The following RGS6 variants were observed in gnomAD, a reference collection of about 807,000 sequenced individuals.
RGS6 encodes the protein regulator of G protein signaling 6, also known as regulator of G-protein signaling 6.
A neutral mutation model predicts 78.5 loss-of-function variants in RGS6; 30 were observed. The observed-to-expected ratio is 0.38, with a 90% CI of 0.29 to 0.52. The LOEUF is 0.52. Ranked by LOEUF, RGS6 falls within the 20% of genes least tolerant of loss-of-function variation. RGS6 has a pLI of 0.85. For missense variants in RGS6, 495 were observed against 609.7 expected (o/e 0.81, Z 1.98); for synonymous variants, 206 against 206.0 (o/e 1.00, Z 0.00).
chr14:72,062,611 T>A (rs1433221068), intron 2 of RGS6, among the ~76,000 whole-genome samples: 2 of 152,202 alleles, frequency 1.3e-5, no homozygotes, highest in Admixed American at 1.3e-4. Context: ...CTTTGTGATT[T>A]GTTGTGGACT....
At chr14:72,149,457 A>G (rs540213135) in intron 2 of RGS6, among the ~76,000 whole-genome samples, 5 of 152,294 alleles carry the variant, frequency 3.3e-5, no homozygotes, top group African/African-American at 1.2e-4. Flanking sequence ...AACAGGTTGA[A>G]ACGGGAAGGT....
intron 2 of RGS6, among the ~76,000 whole-genome samples, chr14:72,170,937 T>C (rs1162905459): frequency 6.6e-6 from 1 of 152,220 alleles, no homozygotes; most frequent in Non-Finnish European, 1.5e-5. Flanking sequence ...CTCTGATAAT[T>C]GCTGTCTGTG....
At chr14:71,963,167 A>C (rs2093320381) in intron 1 of RGS6, among the ~76,000 whole-genome samples, 1 of 152,192 alleles carries the variant, frequency 6.6e-6, no homozygotes, top group Non-Finnish European at 1.5e-5. Flanking sequence ...GGTGTTTGGT[A>C]TGTTTGTTTT....
At chr14:72,015,066 T>A (rs1279211188) in intron 2 of RGS6, among the ~76,000 whole-genome samples, 1 of 152,208 alleles carries the variant, frequency 6.6e-6, no homozygotes, top group African/African-American at 2.4e-5. Flanking sequence ...GACTGGGTAA[T>A]TAATAAAGAA....
chr14:72,320,065 T>C (rs2071467301), intron 2 of RGS6, among the ~76,000 whole-genome samples: 1 of 152,150 alleles, frequency 6.6e-6, no homozygotes, highest in South Asian at 2.1e-4. Flanking sequence ...AAGTAACCTA[T>C]ACAAGACCAC....
chr14:72,454,456 G>T (rs1055939389), intron 3 of RGS6, 72 bp from the exon 4 acceptor site: 8 of 1,457,422 alleles, frequency 5.5e-6, no homozygotes, highest in Admixed American at 5.0e-5. Context: ...ATTCTCTTAG[G>T]TAAACATGTT....
intron 2 of RGS6, among the ~76,000 whole-genome samples, chr14:72,228,605 A>G (rs1201624625): frequency 6.6e-6 from 1 of 152,194 alleles, no homozygotes; most frequent in Non-Finnish European, 1.5e-5. Context: ...CATCTGAGTG[A>G]CAGAAGATGA....
intron 6 of RGS6, among the ~76,000 whole-genome samples, chr14:72,462,248 GA>G (rs1283457186): frequency 6.6e-6 from 1 of 152,198 alleles, no homozygotes; most frequent in Non-Finnish European, 1.5e-5. Context: ...AAGGCATGGT[GA>G]GGATCTGGCT....
intron 2 of RGS6, among the ~76,000 whole-genome samples, chr14:72,053,870 A>C (rs2067021): frequency 0.74 from 111,833 of 152,090 alleles, 41,446 homozygotes; most frequent in East Asian, 0.89. Context: ...CTGACCTTAC[A>C]CTTATGTATT....
the RGS6 span, among the ~76,000 whole-genome samples, chr14:72,574,323 T>G: frequency 6.6e-6 from 1 of 152,172 alleles, no homozygotes; most frequent in Non-Finnish European, 1.5e-5. Context: ...CTTTCCCCAG[T>G]CCCTGCTGCC....
intron 13 of RGS6, among the ~76,000 whole-genome samples, chr14:72,496,230 A>AG (rs58722071): frequency 0.73 from 110,467 of 152,104 alleles, 40,757 homozygotes; most frequent in East Asian, 0.88. Context: ...TGTGGTTCCC[A>AG]GAGTGGATCA....
intron 2 of RGS6, among the ~76,000 whole-genome samples, chr14:72,015,617 G>A (rs1050338823): frequency 3.9e-5 from 6 of 152,168 alleles, no homozygotes; most frequent in African/African-American, 1.4e-4. Flanking sequence ...CCAGTACTCA[G>A]AGGAAAAATG....
At chr14:72,246,944 G>A (rs2054371968) in intron 2 of RGS6, among the ~76,000 whole-genome samples, 1 of 151,636 alleles carries the variant, frequency 6.6e-6, no homozygotes, top group Non-Finnish European at 1.5e-5. Flanking sequence ...CAATTTTGTT[G>A]TGTAGAGGAG....
the RGS6 span, among the ~76,000 whole-genome samples, chr14:72,612,991 G>GGTGTGT: frequency 5.6e-5 from 4 of 71,014 alleles, no homozygotes; most frequent in Admixed American, 1.7e-4. Flanking sequence ...CATTAAGTAG[G>GGTGTGT]GCGTGTGTGT....
chr14:72,112,805 A>G (rs1054050920), intron 2 of RGS6, among the ~76,000 whole-genome samples: 1 of 152,222 alleles, frequency 6.6e-6, no homozygotes, highest in Non-Finnish European at 1.5e-5. Flanking sequence ...GGTCTTGGGC[A>G]TCTGACTGAG....
intron 17 of RGS6, among the ~76,000 whole-genome samples, chr14:72,542,796 G>GA (rs1191547644): frequency 6.6e-6 from 1 of 152,242 alleles, no homozygotes; most frequent in South Asian, 2.1e-4. Context: ...GAAACACTTG[G>GA]AAAAAACAAA....
At chr14:72,147,944 A>G (rs2096628945) in intron 2 of RGS6, among the ~76,000 whole-genome samples, 1 of 152,136 alleles carries the variant, frequency 6.6e-6, no homozygotes, top group Non-Finnish European at 1.5e-5. Flanking sequence ...ATCCTGGCTA[A>G]CATGGTGAAA....
intron 2 of RGS6, among the ~76,000 whole-genome samples, chr14:72,119,393 T>G (rs1203972985): frequency 2.0e-5 from 3 of 152,182 alleles, no homozygotes; most frequent in African/African-American, 7.2e-5. Context: ...CCAATAGTTT[T>G]CCATGGGCCT....
intron 13 of RGS6, among the ~76,000 whole-genome samples, chr14:72,496,825 G>A (rs375047399): frequency 6.6e-6 from 1 of 151,852 alleles, no homozygotes; most frequent in African/African-American, 2.4e-5. Context: ...GTATAATTGG[G>A]TTCAATATAT....
Sources: allele counts gnomAD v4.1 joint callset (sites outside exome capture counted in the v4.1 genomes callset), GRCh38; gene constraint gnomAD v4.1.1; transcripts MANE v1.5; gene names NCBI Gene and HGNC (gene_info 2026-07-23, HGNC 2026-07-21).